Variants in NTMT1 observed in about 807,000 individuals in gnomAD.
NTMT1 encodes the protein N-terminal RCC1 methyltransferase.
Under a neutral mutation model 17.5 loss-of-function variants are expected in NTMT1, and 8 were observed. That is an observed-to-expected ratio of 0.46 (90% CI 0.27 to 0.82). The LOEUF is 0.82. NTMT1 is among the 40% of genes least tolerant of loss of function. NTMT1 has a pLI of 0.15. For missense variants in NTMT1, 221 were observed against 303.5 expected, an observed-to-expected ratio of 0.73 and a Z score of 2.02; for synonymous variants, 128 against 126.8, an observed-to-expected ratio of 1.01 and a Z score of -0.06.
intron 1 of NTMT1, chr9:129,612,223 G>C: frequency 2.7e-6 from 2 of 744,782 alleles, no homozygotes; most frequent in Non-Finnish European, 4.5e-6. Context: ...ACCCAGAAAG[G>C]CTTGTGGTGT....
At chr9:129,612,275 A>T in intron 1 of NTMT1, 2 of 1,327,562 alleles carry the variant, frequency 1.5e-6, no homozygotes, top group Non-Finnish European at 2.1e-6. Context: ...ATGTGCCTTT[A>T]TTTGTGGGGC....
rs762269773 is a variant in NTMT1, at chr9:129,620,496, T to A, written c.-55+11318T>A. The stretch of plus-strand genomic sequence containing the variant: ...AGCTTGGGCAGCCGCGGGTCGCTGC[T>A]GCGTCGGAAGTCTCCGTCGCCAGGG... On this transcript the variant is annotated intron_variant, in intron 1 of 3. Coordinates refer to the NTMT1 transcript ENST00000372486. This position sits in a 1 kb window ranked among gnomAD's most constrained non-coding sequence, Gnocchi z 5.8. 1 of 1,418,242 alleles carries A rather than the reference T, an allele frequency of 7.1e-7. No individual in the cohort carries two copies. Among genetic ancestry groups the A allele is most frequent in the South Asian group, 1.5e-5 (1 of 67,982 alleles). 87.9% of individuals were successfully genotyped at this position (1,418,242 alleles called of 1,614,324 possible). A position where few individuals can be genotyped will look rare whatever the true frequency, so the allele number is the denominator to read the frequency against.
chr9:129,613,428 G>T lies in NTMT1; in HGVS notation c.-55+4250G>T. The T allele has an allele frequency of 1.2e-6, 2 of 1,612,806 alleles. No individual in the cohort carries two copies. The highest frequency in any genetic ancestry group is 8.5e-7 in the Non-Finnish European group (1 of 1,179,246). Reference sequence around the variant, plus strand: ...CACGAGTCCCATCCGCTTCCCTGGAGCCTCACAGGCCAGCGCAGTCCCAAC... The same window carrying T: ...CACGAGTCCCATCCGCTTCCCTGGATCCTCACAGGCCAGCGCAGTCCCAAC... On this transcript the variant is annotated intron_variant, in intron 1 of 3. Transcript: ENST00000372486. The surrounding 1 kb of genome is among the most constrained non-coding windows in gnomAD (Gnocchi z 6.2).
At chr9:129,624,672 C>A (rs1830839244), upstream of NTMT1, among the ~76,000 whole-genome samples, 1 of 152,198 alleles carries the variant, frequency 6.6e-6, no homozygotes, top group Non-Finnish European at 1.5e-5. Flanking sequence ...TCTTGTCACC[C>A]AGGCTGGAAA....
At chr9:129,616,241 A>C (rs1055446544) in intron 1 of NTMT1, among the ~76,000 whole-genome samples, 5 of 152,162 alleles carry the variant, frequency 3.3e-5, no homozygotes, top group Non-Finnish European at 7.3e-5. Flanking sequence ...TTTGAGACAG[A>C]TTCTCGCTCT....
Position 129,614,573 on chromosome 9 carries a change from G to A in NTMT1, c.-55+5395G>A, listed in dbSNP as rs537682874. The stretch of plus-strand genomic sequence containing the variant: ...AAGGTTATACCAGAGTAAGAACAGG[G>A]ACTTCTCGCCTGCTTCTCGAGACAC... On this transcript the variant is annotated intron_variant, in intron 1 of 3. Coordinates refer to the NTMT1 transcript ENST00000372486. This position sits in a 1 kb window ranked among gnomAD's most constrained non-coding sequence, Gnocchi z 4.4. Among the ~76,000 whole-genome samples the A allele has an allele frequency of 1.4e-3, 217 of 152,312 alleles. 1 individual carries two copies. The highest frequency in any genetic ancestry group is 5.1e-3 in the African/African-American group (210 of 41,552).
Position 129,613,499 on chromosome 9 carries a change from C to T in NTMT1, c.-55+4321C>T. On this transcript the variant is annotated intron_variant, in intron 1 of 3. Coordinates refer to the NTMT1 transcript ENST00000372486. This position sits in a 1 kb window ranked among gnomAD's most constrained non-coding sequence, Gnocchi z 6.2. Reference sequence around the variant, plus strand: ...TCCTCCTTGGCCCCAGGGTACAGGGCTTTGGGCAAACTCTCCAGCCGTTTT... The same window carrying T: ...TCCTCCTTGGCCCCAGGGTACAGGGTTTTGGGCAAACTCTCCAGCCGTTTT... 1 of 1,614,172 alleles carries T rather than the reference C, an allele frequency of 6.2e-7. No homozygotes were observed. Among genetic ancestry groups the T allele is most frequent in the Non-Finnish European group, 8.5e-7 (1 of 1,180,024 alleles).
chr9:129,623,823 C>CTTTTTT (rs746654555), upstream of NTMT1, among the ~76,000 whole-genome samples: 1,479 of 107,270 alleles, frequency 0.014, 54 homozygotes, highest in Non-Finnish European at 0.018. Context: ...TTTTTCTTTT[C>CTTTTTT]TTTTCTTTTT....
chr9:129,615,866 C>T (rs1475372073), intron 1 of NTMT1, among the ~76,000 whole-genome samples: 1 of 152,232 alleles, frequency 6.6e-6, no homozygotes, highest in East Asian at 1.9e-4. Context: ...GCACACAGTC[C>T]CCATGAAACG....
At position 129,613,438 on chromosome 9, in the gene NTMT1, C is replaced by A. The variant is rs1204490786; in HGVS notation, c.-55+4260C>A. The A allele has an allele frequency of 6.2e-7, 1 of 1,613,740 alleles. No individual in the cohort carries two copies. The highest frequency in any genetic ancestry group is 8.5e-7 in the Non-Finnish European group (1 of 1,180,006). ...ATCCGCTTCCCTGGAGCCTCACAGG[C>A]CAGCGCAGTCCCAACACGAGGAGCT... On this transcript the variant is annotated intron_variant, in intron 1 of 3. Transcript: ENST00000372486. This position sits in a 1 kb window ranked among gnomAD's most constrained non-coding sequence, Gnocchi z 6.2.
In NTMT1 at chr9:129,613,635, A is replaced by T. The variant is rs1368434543; in HGVS notation, c.-55+4457A>T. 1.2e-6 allele frequency: 2 copies of T among 1,612,034 alleles called. No homozygotes were observed. The highest frequency in any genetic ancestry group is 4.5e-5 in the East Asian group (2 of 44,860). Reference sequence around the variant, plus strand: ...GGGCAGGGTGAGATCTCTGCCCAGGAGGAGGGCACTGGTGCCCCCACCCTC... The same window carrying T: ...GGGCAGGGTGAGATCTCTGCCCAGGTGGAGGGCACTGGTGCCCCCACCCTC... On this transcript the variant is annotated intron_variant, in intron 1 of 3. Transcript: ENST00000372486. The surrounding 1 kb of genome is among the most constrained non-coding windows in gnomAD (Gnocchi z 6.2).
At chr9:129,612,479 G>C in intron 1 of NTMT1, 1 of 1,592,318 alleles carries the variant, frequency 6.3e-7, no homozygotes, top group Non-Finnish European at 8.6e-7. Flanking sequence ...AGGACCAGCT[G>C]GCTGCTACCA....
Position 129,614,455 on chromosome 9 carries a change from A to G in NTMT1, c.-55+5277A>G, listed in dbSNP as rs1298049127. ...TGAAACTGCACATAGTGGGTGCTCAATAAACAGCTAGAGGACATTGACTGT... is the reference window on the plus strand; with the variant it reads ...TGAAACTGCACATAGTGGGTGCTCAGTAAACAGCTAGAGGACATTGACTGT... On this transcript the variant is annotated intron_variant, in intron 1 of 3. Transcript: ENST00000372486. This position sits in a 1 kb window ranked among gnomAD's most constrained non-coding sequence, Gnocchi z 4.4. Among the ~76,000 whole-genome samples, 3 of 152,220 alleles carry G rather than the reference A, an allele frequency of 2.0e-5. No homozygotes were observed. Among genetic ancestry groups the G allele is most frequent in the African/African-American group, 7.2e-5 (3 of 41,462 alleles).
At chr9:129,628,671 C>T (rs994968728) in intron 1 of NTMT1, 1 of 152,280 alleles carries the variant, frequency 6.6e-6, no homozygotes. Context: ...TCTCTACCCC[C>T]AGGAAGCTGC....
At chr9:129,628,095 C>T (rs1030144852) in intron 1 of NTMT1, among the ~76,000 whole-genome samples, 1 of 152,180 alleles carries the variant, frequency 6.6e-6, no homozygotes, top group Non-Finnish European at 1.5e-5. Context: ...ACACAAAGCC[C>T]GTGTGCTCCT....
intron 3 of NTMT1, 132 bp from the exon 4 acceptor site, chr9:129,635,076 C>A: frequency 9.7e-7 from 1 of 1,031,924 alleles, no homozygotes; most frequent in Non-Finnish European, 1.4e-6. Flanking sequence ...GGACTGAGAG[C>A]CAATGAGGCC....
At position 129,613,512 on chromosome 9, in the gene NTMT1, C is replaced by G. The variant is rs751951762; in HGVS notation, c.-55+4334C>G. 6.2e-7 allele frequency: 1 copy of G among 1,614,210 alleles called. No individual in the cohort carries two copies. Among genetic ancestry groups the G allele is most frequent in the Non-Finnish European group, 8.5e-7 (1 of 1,180,044 alleles). ...CAGGGTACAGGGCTTTGGGCAAACTCTCCAGCCGTTTTCCGACACTCCCAA... is the reference window on the plus strand; with the variant it reads ...CAGGGTACAGGGCTTTGGGCAAACTGTCCAGCCGTTTTCCGACACTCCCAA... On this transcript the variant is annotated intron_variant, in intron 1 of 3. Transcript: ENST00000372486. This position sits in a 1 kb window ranked among gnomAD's most constrained non-coding sequence, Gnocchi z 6.2.
At chr9:129,630,057 G>A (rs1299681415) in intron 1 of NTMT1, among the ~76,000 whole-genome samples, 2 of 152,256 alleles carry the variant, frequency 1.3e-5, no homozygotes, top group Non-Finnish European at 1.5e-5. Flanking sequence ...TCTGTTAGAA[G>A]TATTCTTGAG....
intron 1 of NTMT1, among the ~76,000 whole-genome samples, chr9:129,610,238 G>A (rs1388850936): frequency 2.2e-5 from 2 of 91,412 alleles, no homozygotes; most frequent in South Asian, 4.1e-4. Context: ...GGGAGGGAGA[G>A]GGGAAAGGGG....
Sources: gnomAD v4.1 joint callset for allele counts (sites outside exome capture counted in the v4.1 genomes callset) on GRCh38, gnomAD v4.1.1 for gene constraint, Gnocchi (gnomAD v3.1) non-coding constraint, MANE v1.5 for transcripts, NCBI Gene and HGNC (gene_info 2026-07-23, HGNC 2026-07-21) for gene names.